Variants in TMEM14A observed in about 807,000 individuals in gnomAD.
The protein encoded by TMEM14A is transmembrane protein 14A.
A neutral mutation model predicts 11.6 loss-of-function variants in TMEM14A; 8 were observed. The observed-to-expected ratio is 0.69, with a 90% confidence interval of 0.40 to 1.24. The LOEUF (loss-of-function observed/expected upper bound fraction) is 1.24. TMEM14A is among the 50% of genes most tolerant of loss of function. TMEM14A has a pLI of 0.01. For missense variants in TMEM14A, 108 were observed against 121.9 expected (o/e 0.89, Z 0.54); for synonymous variants, 34 against 45.5 (o/e 0.75, Z 1.02).
intron 1 of TMEM14A, among the ~76,000 whole-genome samples, chr6:52,673,732 A>G (rs1284884087): frequency 2.0e-5 from 3 of 152,198 alleles, no homozygotes; most frequent in Non-Finnish European, 4.4e-5. Flanking sequence ...GACCAAGGCC[A>G]TGTCTTAGCA....
intron 3 of TMEM14A, among the ~76,000 whole-genome samples, chr6:52,683,477 CAACAACAAA>C (rs1296111795): frequency 1.2e-5 from 1 of 86,218 alleles, no homozygotes; most frequent in Non-Finnish European, 2.3e-5. Flanking sequence ...ACAACAACAA[CAACAACAAA>C]AAAAAAAAAA....
At chr6:52,680,704 T>TATATATATAC (rs371102796) in intron 2 of TMEM14A, among the ~76,000 whole-genome samples, 8 of 51,094 alleles carry the variant, frequency 1.6e-4, no homozygotes, top group African/African-American at 2.3e-4. Flanking sequence ...TATATATATA[T>TATATATATAC]ACACATATAT....
chr6:52,671,806 C>T (rs932989490), intron 1 of TMEM14A, among the ~76,000 whole-genome samples: 2 of 152,210 alleles, frequency 1.3e-5, no homozygotes, highest in Non-Finnish European at 2.9e-5. Context: ...CGTTTTAGTC[C>T]TTCCAAGGCT....
chr6:52,678,481 C>G (rs1769305531), intron 2 of TMEM14A, among the ~76,000 whole-genome samples: 1 of 152,102 alleles, frequency 6.6e-6, no homozygotes, highest in Non-Finnish European at 1.5e-5. Flanking sequence ...TTGTTGTCCA[C>G]CTGCACAATA....
intron 3 of TMEM14A, among the ~76,000 whole-genome samples, chr6:52,682,816 T>G (rs1009093785): frequency 6.6e-6 from 1 of 152,166 alleles, no homozygotes; most frequent in Admixed American, 6.5e-5. Flanking sequence ...TCCTAATCTC[T>G]TACATAAAAC....
intron 1 of TMEM14A, among the ~76,000 whole-genome samples, chr6:52,676,029 A>G (rs1056979747): frequency 3.3e-5 from 5 of 152,322 alleles, no homozygotes; most frequent in Non-Finnish European, 7.3e-5. Flanking sequence ...AGGACATTTC[A>G]GGCATGGAAG....
At chr6:52,683,500 AAAAG>A (rs1769433219) in intron 3 of TMEM14A, among the ~76,000 whole-genome samples, 1 of 152,042 alleles carries the variant, frequency 6.6e-6, no homozygotes, top group Non-Finnish European at 1.5e-5. Flanking sequence ...AAAAAAAAGA[AAAAG>A]AAAAGGTCTT....
intron 2 of TMEM14A, among the ~76,000 whole-genome samples, chr6:52,680,684 C>CATATATAT (rs1491319210): frequency 2.6e-5 from 1 of 38,708 alleles, no homozygotes; most frequent in Non-Finnish European, 5.7e-5. Context: ...TATATATATA[C>CATATATAT]ATATATGTAT....
intron 1 of TMEM14A, among the ~76,000 whole-genome samples, chr6:52,672,422 TAATG>T (rs1199968472): frequency 6.6e-6 from 1 of 152,114 alleles, no homozygotes; most frequent in Admixed American, 6.5e-5. Context: ...TTACACCTGA[TAATG>T]AAAGAACTCT....
At chr6:52,678,031 G>A (rs1769291772) in intron 2 of TMEM14A, among the ~76,000 whole-genome samples, 1 of 151,862 alleles carries the variant, frequency 6.6e-6, no homozygotes, top group Non-Finnish European at 1.5e-5. Flanking sequence ...TTTGTTCGTT[G>A]TTTCTGTCTT....
chr6:52,686,301 C>G lies in TMEM14A; in HGVS notation c.*252C>G, dbSNP rs902928134. 5.2e-5 allele frequency: 21 copies of G among 400,512 alleles called. No homozygotes were observed. Among genetic ancestry groups the G allele is most frequent in the Non-Finnish European group, 4.4e-6 (1 of 226,964 alleles). 24.8% of individuals were successfully genotyped at this position (400,512 alleles called of 1,614,324 possible). ...TGATATACTCTTCCATTTGTTGTGT[C>G]TATTTTTTATATATTTGGTATTTTT... On this transcript the variant is annotated 3_prime_UTR_variant, in exon 5 of 5. Coordinates refer to ENST00000211314, the MANE Select transcript of TMEM14A (RefSeq NM_014051.4).
At chr6:52,685,072 T>C (rs1041315241) in intron 4 of TMEM14A, among the ~76,000 whole-genome samples, 2 of 152,082 alleles carry the variant, frequency 1.3e-5, no homozygotes, top group Non-Finnish European at 2.9e-5. Context: ...TTAAAAAAAG[T>C]TTGTGTATAA....
At chr6:52,685,235 A>G (rs757660411) in intron 4 of TMEM14A, among the ~76,000 whole-genome samples, 3 of 152,206 alleles carry the variant, frequency 2.0e-5, no homozygotes, top group Non-Finnish European at 1.5e-5. Flanking sequence ...GTGTGATTAC[A>G]AAAGACAGCT....
At chr6:52,683,191 G>GGCTCAT (rs1400075309) in intron 3 of TMEM14A, among the ~76,000 whole-genome samples, 1 of 152,114 alleles carries the variant, frequency 6.6e-6, no homozygotes, top group Non-Finnish European at 1.5e-5. Context: ...TAGGCATGGT[G>GGCTCAT]GCTCATGCCT....
rs756907553 is a variant in TMEM14A at position 52,677,131 on chromosome 6, C to T, written c.29C>T (p.Ala10Val). Residue 10 changes from alanine (A) to valine (V), a missense_variant, in exon 2 of 5, where the codon GCC (alanine) becomes GTC (valine). Physicochemically the swap from Ala to Val is moderately conservative, Grantham distance 64. Transcript: ENST00000211314. ...GACCTGATCGGTTTTGGTTATGCAG[C>T]CCTCGTGACATTTGGAAGCATTTTT... Reference protein sequence around the residue: MDLIGFGYAALVTFGSIFGY... With the variant: MDLIGFGYAVLVTFGSIFGY... 3 of 1,614,040 alleles carry T rather than the reference C, an allele frequency of 1.9e-6. No homozygotes were observed. Among genetic ancestry groups the T allele is most frequent in the African/African-American group, 2.7e-5 (2 of 74,902 alleles).
At chr6:52,681,243 T>G (rs1253525741) in intron 2 of TMEM14A, among the ~76,000 whole-genome samples, 1 of 151,910 alleles carries the variant, frequency 6.6e-6, no homozygotes, top group East Asian at 1.9e-4. Context: ...AGGGACTGGG[T>G]AGCTGGGGTC....
chr6:52,680,347 C>T (rs967174820), intron 2 of TMEM14A, among the ~76,000 whole-genome samples: 3 of 151,308 alleles, frequency 2.0e-5, no homozygotes, highest in African/African-American at 7.3e-5. Context: ...AAAGCCATGA[C>T]GAATAGAGTT....
chr6:52,672,689 G>A (rs777788957), intron 1 of TMEM14A, among the ~76,000 whole-genome samples: 2 of 151,966 alleles, frequency 1.3e-5, no homozygotes, highest in African/African-American at 2.4e-5. Context: ...TTCCCTTCCC[G>A]CCTCAAATTC....
Position 52,686,088 on chromosome 6 carries a change from G to T in TMEM14A, c.*39G>T. On this transcript the variant is annotated 3_prime_UTR_variant, in exon 5 of 5. Coordinates refer to ENST00000211314, the MANE Select transcript of TMEM14A (RefSeq NM_014051.4). ...CAGAAAACTAAGTTCATGTCATCCT[G>T]CTGTAATGGGCAGAGCATATTTTTT... 6.3e-7 allele frequency: 1 copy of T among 1,577,740 alleles called. No individual in the cohort carries two copies. Among genetic ancestry groups the T allele is most frequent in the South Asian group, 1.2e-5 (1 of 86,036 alleles).
Sources: allele counts gnomAD v4.1 joint callset (sites outside exome capture counted in the v4.1 genomes callset), GRCh38; gene constraint gnomAD v4.1.1; transcripts MANE v1.5; gene names NCBI Gene and HGNC (gene_info 2026-07-23, HGNC 2026-07-21).